Variants in ITIH2 observed in about 807,000 individuals in gnomAD.
ITIH2 encodes the protein inter-alpha-trypsin inhibitor heavy chain 2, also known as inter-alpha-trypsin inhibitor heavy chain H2.
A neutral mutation model predicts 104.4 loss-of-function variants in ITIH2; 103 were observed. The ratio of observed to expected loss-of-function variants is 0.99; its 90% confidence interval spans 0.84 to 1.16. The LOEUF is 1.16. Among genes scored for constraint, ITIH2 ranks in the 50% most tolerant of loss-of-function variants. ITIH2 has a pLI of 0.00. For synonymous variants in ITIH2, 436 were observed against 435.4 expected, an observed-to-expected ratio of 1.00 and a Z score of -0.02; for missense variants, 1,108 against 1,162.4, an observed-to-expected ratio of 0.95 and a Z score of 0.68.
At chr10:7,741,872 C>T (rs1368340218) in intron 16 of ITIH2, among the ~76,000 whole-genome samples, 1 of 152,190 alleles carries the variant, frequency 6.6e-6, no homozygotes, top group Non-Finnish European at 1.5e-5. Context: ...CCACTCCTTC[C>T]TCATTCTGTA....
intron 4 of ITIH2, 89 bp from the exon 5 acceptor site, chr10:7,713,092 C>T (rs1834812581): frequency 2.0e-6 from 2 of 995,682 alleles, no homozygotes; most frequent in African/African-American, 1.6e-5. Context: ...TGCACTCCAG[C>T]CTGGGTGACA....
rs748623686 is a variant in ITIH2, at chr10:7,738,709, A to G, written c.2046A>G (p.Ala682=). 6.2e-7 allele frequency: 1 copy of G among 1,613,726 alleles called. No individual in the cohort carries two copies. The highest frequency in any genetic ancestry group is 2.2e-5 in the East Asian group (1 of 44,788). The part of the protein sequence containing the change: ...PSPTPVISML[A]QGSQVLESTP... ...CAACGCCCGTGATCTCCATGCTGGCACAAGGATCTCAGGTGCTAGAGTCCA... is the reference window on the plus strand; with the variant it reads ...CAACGCCCGTGATCTCCATGCTGGCGCAAGGATCTCAGGTGCTAGAGTCCA... Residue 682 remains alanine (A), a synonymous_variant, in exon 16 of 21, where the codon GCA becomes GCG. Coordinates refer to ENST00000358415, the MANE Select transcript of ITIH2 (RefSeq NM_002216.3).
At chr10:7,728,061 A>G (rs573124033) in intron 11 of ITIH2, among the ~76,000 whole-genome samples, 5 of 152,320 alleles carry the variant, frequency 3.3e-5, no homozygotes, top group Non-Finnish European at 7.4e-5. Context: ...CACAATATGC[A>G]GAAATCTGAG....
rs536793168 is a variant in ITIH2, at chr10:7,749,404, C to T, written c.*70C>T. On this transcript the variant is annotated 3_prime_UTR_variant, in exon 21 of 21. Transcript: ENST00000358415. ...CCCTGTCACTTTTGCAGATATTCTT[C>T]GGTTTGAATAATTAAAATGAACCAG... The T allele has an allele frequency of 2.4e-5, 31 of 1,318,714 alleles. No individual in the cohort carries two copies. The highest frequency in any genetic ancestry group is 2.0e-4 in the Admixed American group (10 of 50,744). 81.7% of individuals were successfully genotyped at this position (1,318,714 alleles called of 1,614,324 possible). A position where few individuals can be genotyped will look rare whatever the true frequency, so the allele number is the denominator to read the frequency against.
chr10:7,731,910 T>C lies in ITIH2; in HGVS notation c.1561T>C (p.Tyr521His), dbSNP rs1278227686. 6.2e-7 allele frequency: 1 copy of C among 1,613,796 alleles called. No individual in the cohort carries two copies. The highest frequency in any genetic ancestry group is 8.5e-7 in the Non-Finnish European group (1 of 1,179,806). ...CGTCACTCAAAACAATTTCCATAAC[T>C]ACTTTGGAGGCTCAGAGATTGTGGT... ...TDVTQNNFHNYFGGSEIVVAG... is the reference protein window; with the variant it reads ...TDVTQNNFHNHFGGSEIVVAG... The change falls in exon 13 of 21, where the codon TAC (tyrosine) becomes CAC (histidine). Residue 521 changes from tyrosine (Y) to histidine (H), a missense_variant. Tyr to His is a moderately conservative substitution (Grantham distance 83). Coordinates refer to ENST00000358415, the MANE Select transcript of ITIH2 (RefSeq NM_002216.3).
At chr10:7,719,760 CAAAAAAAAA>C (rs71385664) in intron 6 of ITIH2, among the ~76,000 whole-genome samples, 9 of 41,718 alleles carry the variant, frequency 2.2e-4, no homozygotes, top group African/African-American at 4.1e-4. Context: ...GACCCTGTCT[CAAAAAAAAA>C]AAAAAAAAAA....
Position 7,744,361 on chromosome 10 carries a change from A to G in ITIH2, c.2408+81A>G, listed in dbSNP as rs373473011. ...AAATCCAGGCATCAGTGACATCAACATTGAAAAAAAATCATCATTTTAAAT... is the reference window on the plus strand; with the variant it reads ...AAATCCAGGCATCAGTGACATCAACGTTGAAAAAAAATCATCATTTTAAAT... On this transcript the variant is annotated intron_variant, in intron 18 of 20. Transcript: ENST00000358415. 1.7e-4 allele frequency: 194 copies of G among 1,164,540 alleles called. 4 individuals are homozygous for G. The highest frequency in any genetic ancestry group is 9.2e-4 in the East Asian group (39 of 42,288). The allele number at this position is 1,164,540 out of a possible 1,614,324, so 72.1% of individuals were successfully genotyped here.
In ITIH2 at chr10:7,738,843, C is replaced by T. The variant is rs1423800226; in HGVS notation, c.2095+85C>T. The T allele has an allele frequency of 1.5e-5, 21 of 1,359,038 alleles. 1 individual carries two copies. In the South Asian group the frequency reaches 1.6e-4, roughly 10 times the overall value. 84.2% of individuals were successfully genotyped at this position (1,359,038 alleles called of 1,614,324 possible). On this transcript the variant is annotated intron_variant, in intron 16 of 20. Transcript: ENST00000358415. ...ATTGTGTGCATGAGGCCAGGTGCAG[C>T]GGCTCACGCCTGTAATCGCAGCACT...
At chr10:7,720,611 G>A (rs2130946931) in intron 6 of ITIH2, among the ~76,000 whole-genome samples, 1 of 152,280 alleles carries the variant, frequency 6.6e-6, no homozygotes, top group East Asian at 1.9e-4. Context: ...GAGGAAGGGA[G>A]TCGACTCCTG....
chr10:7,731,345 T>C lies in ITIH2; in HGVS notation c.1462-466T>C, dbSNP rs971786803. ...CAAGTCTTTGTCTTCTCTCTGTTTT[T>C]AATCTGATAATTACGAGCATTTTCC... On this transcript the variant is annotated intron_variant, in intron 12 of 20. Transcript: ENST00000358415. 3.8e-4 allele frequency among the ~76,000 whole-genome samples: 58 copies of C among 152,252 alleles called. 1 individual carries two copies. Among genetic ancestry groups the C allele is most frequent in the Admixed American group, 3.8e-3 (58 of 15,284 alleles).
chr10:7,748,521 CTTTTTTTTTTTTTTTTTTTTTT>C (rs549517172), intron 20 of ITIH2, among the ~76,000 whole-genome samples: 3 of 27,122 alleles, frequency 1.1e-4, no homozygotes, highest in East Asian at 1.6e-3. Flanking sequence ...CCAATGCATT[CTTTTTTTTTTTTTTTTTTTTTT>C]TTTTTTTTTT....
chr10:7,715,710 T>C (rs921626410), intron 5 of ITIH2, among the ~76,000 whole-genome samples: 1 of 152,206 alleles, frequency 6.6e-6, no homozygotes, highest in African/African-American at 2.4e-5. Flanking sequence ...CTTAGGCTGA[T>C]TGTGCAACAT....
intron 20 of ITIH2, 61 bp from the exon 21 acceptor site, chr10:7,749,126 G>C (rs1157747219): frequency 4.6e-6 from 7 of 1,530,190 alleles, no homozygotes; most frequent in Non-Finnish European, 6.3e-6. Flanking sequence ...AAGGAAAAGA[G>C]GGAGTCTTGT....
chr10:7,707,623 T>C (rs1482853652), intron 3 of ITIH2, among the ~76,000 whole-genome samples: 1 of 152,204 alleles, frequency 6.6e-6, no homozygotes, highest in Non-Finnish European at 1.5e-5. Flanking sequence ...TGGAGTGCAA[T>C]GGCATGATCT....
chr10:7,738,545 C>G (rs1330786823), intron 15 of ITIH2, 76 bp from the exon 16 acceptor site: 14 of 1,545,132 alleles, frequency 9.1e-6, no homozygotes, highest in Admixed American at 1.7e-5. Context: ...GTGCATAAAA[C>G]AGATTCTTGA....
chr10:7,744,430 C>G (rs960051736), intron 18 of ITIH2, 150 bp downstream of exon 18: 9 of 733,952 alleles, frequency 1.2e-5, no homozygotes, highest in Non-Finnish European at 2.0e-5. Context: ...ACTCCCTACT[C>G]TGTTCCTGGC....
At chr10:7,704,710 A>G (rs1834728486) in intron 1 of ITIH2, among the ~76,000 whole-genome samples, 1 of 152,240 alleles carries the variant, frequency 6.6e-6, no homozygotes, top group Admixed American at 6.5e-5. Context: ...TTTATACAAA[A>G]TTGTGATTGC....
intron 4 of ITIH2, among the ~76,000 whole-genome samples, chr10:7,709,939 C>T (rs572142442): frequency 3.7e-4 from 56 of 152,154 alleles, no homozygotes; most frequent in African/African-American, 1.3e-3. Flanking sequence ...CTGCAAGCTC[C>T]GCCTCCCGGG....
At chr10:7,734,063 G>A (rs1835028497) in intron 14 of ITIH2, among the ~76,000 whole-genome samples, 1 of 152,066 alleles carries the variant, frequency 6.6e-6, no homozygotes, top group Admixed American at 6.6e-5. Context: ...GGGAGTGGGA[G>A]ATACGTGAGT....
Sources: gnomAD v4.1 joint callset for allele counts (sites outside exome capture counted in the v4.1 genomes callset) on GRCh38, gnomAD v4.1.1 for gene constraint, MANE v1.5 for transcripts, NCBI Gene and HGNC (gene_info 2026-07-23, HGNC 2026-07-21) for gene names.